ITFG1: variants seen among roughly 807,000 people sequenced by gnomAD.
The protein encoded by ITFG1 is T-cell immunomodulatory protein.
In ITFG1, 34 loss-of-function variants were observed where a neutral mutation model predicts 81.8. The observed-to-expected ratio is 0.42, with a 90% CI of 0.32 to 0.55. ITFG1 has a LOEUF of 0.55. ITFG1 is among the 20% of genes least tolerant of loss of function. The pLI is 0.17. For missense variants in ITFG1, 672 were observed against 755.4 expected, an observed-to-expected ratio of 0.89 and a Z score of 1.29; for synonymous variants, 285 against 270.6, an observed-to-expected ratio of 1.05 and a Z score of -0.52.
intron 5 of ITFG1, among the ~76,000 whole-genome samples, chr16:47,442,248 A>G (rs1203459477): frequency 1.3e-5 from 2 of 152,210 alleles, no homozygotes; most frequent in African/African-American, 4.8e-5. Flanking sequence ...GAAAATGGCC[A>G]TACTGTCCAA....
At chr16:47,409,949 A>C (rs758992680) in intron 6 of ITFG1, among the ~76,000 whole-genome samples, 1 of 152,104 alleles carries the variant, frequency 6.6e-6, no homozygotes, top group Non-Finnish European at 1.5e-5. Flanking sequence ...GACACAAAGA[A>C]CTTTTAGAAA....
In ITFG1 at chr16:47,383,555, G is replaced by GT. The variant is rs1301851140; in HGVS notation, c.656-7616dup. Among the ~76,000 whole-genome samples the GT allele has an allele frequency of 6.6e-5, 10 of 152,264 alleles. No homozygotes were observed. In the East Asian group the frequency reaches 9.7e-4, roughly 15 times the overall value. ...ACACAAGCGCTACTATCCAAAAATG[G>GT]TTTTTTTAGCAGCTGAAACATGGCA... On this transcript the variant is annotated intron_variant, in intron 6 of 17. Coordinates refer to ENST00000320640, the MANE Select transcript of ITFG1 (RefSeq NM_030790.5).
intron 17 of ITFG1, among the ~76,000 whole-genome samples, chr16:47,156,613 G>A (rs939831370): frequency 6.6e-6 from 1 of 152,138 alleles, no homozygotes; most frequent in Non-Finnish European, 1.5e-5. Flanking sequence ...AAGATAAAAA[G>A]TGAAAAATGT....
At chr16:47,243,222 G>A (rs1965957862) in intron 12 of ITFG1, among the ~76,000 whole-genome samples, 1 of 151,988 alleles carries the variant, frequency 6.6e-6, no homozygotes, top group Admixed American at 6.6e-5. Flanking sequence ...ATATATTCTA[G>A]ATTATACATA....
intron 17 of ITFG1, among the ~76,000 whole-genome samples, chr16:47,158,310 G>T (rs1964746899): frequency 6.6e-6 from 1 of 152,062 alleles, no homozygotes; most frequent in South Asian, 2.1e-4. Context: ...GCCCAGGATG[G>T]TCTCAAACTC....
At position 47,155,625 on chromosome 16, in the gene ITFG1, A is replaced by C; in HGVS notation, c.*94T>G. The C allele has an allele frequency of 1.3e-5, 10 of 771,876 alleles. No homozygotes were observed. In the South Asian group the frequency reaches 1.7e-4, roughly 13 times the overall value. 47.8% of individuals were successfully genotyped at this position (771,876 alleles called of 1,614,324 possible). A position where few individuals can be genotyped will look rare whatever the true frequency, so the allele number is the denominator to read the frequency against. ...ATTACCATGGGATACATCATTTATA[A>C]ATAATATTTAATCTCCCCTATTTTT... On this transcript the variant is annotated 3_prime_UTR_variant, in exon 18 of 18. Coordinates refer to ENST00000320640, the MANE Select transcript of ITFG1 (RefSeq NM_030790.5).
At chr16:47,343,185 A>G (rs762997122) in intron 8 of ITFG1, among the ~76,000 whole-genome samples, 31 of 152,140 alleles carry the variant, frequency 2.0e-4, no homozygotes, top group Non-Finnish European at 4.1e-4. Flanking sequence ...AGAAATAAAC[A>G]CATAGACGTA....
At chr16:47,221,276 G>C (rs977130942) in intron 13 of ITFG1, among the ~76,000 whole-genome samples, 6 of 152,096 alleles carry the variant, frequency 3.9e-5, no homozygotes, top group Admixed American at 3.9e-4. Flanking sequence ...CTAATTTATT[G>C]AGAGTTTTTA....
intron 3 of ITFG1, among the ~76,000 whole-genome samples, chr16:47,453,749 C>T (rs1335921152): frequency 1.3e-5 from 2 of 152,272 alleles, no homozygotes; most frequent in East Asian, 3.9e-4. Context: ...TATTCTTTAG[C>T]CATCTCAATG....
chr16:47,384,717 C>A lies in ITFG1; in HGVS notation c.656-8777G>T, dbSNP rs867480374. Among the ~76,000 whole-genome samples the A allele has an allele frequency of 2.0e-5, 3 of 152,320 alleles. No homozygotes were observed. In the East Asian group the frequency reaches 5.8e-4, roughly 29 times the overall value. On this transcript the variant is annotated intron_variant, in intron 6 of 17. Transcript: ENST00000320640. ...AAATTTTTTTTCCACGTCATATCCACCAACTGATTCAAACATCTTTTAAAT... is the reference window on the plus strand; with the variant it reads ...AAATTTTTTTTCCACGTCATATCCAACAACTGATTCAAACATCTTTTAAAT...
intron 6 of ITFG1, among the ~76,000 whole-genome samples, chr16:47,387,996 TATCCATAGAC>T: frequency 6.7e-6 from 1 of 150,112 alleles, no homozygotes; most frequent in East Asian, 1.9e-4. Context: ...AAATATAAAA[TATCCATAGAC>T]AGAAATGATA....
At chr16:47,234,297 G>C (rs923851934) in intron 13 of ITFG1, among the ~76,000 whole-genome samples, 37 of 152,122 alleles carry the variant, frequency 2.4e-4, no homozygotes, top group African/African-American at 8.7e-4. Context: ...TGTAAGCAGA[G>C]AGATAGAAAC....
chr16:47,273,003 G>T (rs1966359363), intron 10 of ITFG1, among the ~76,000 whole-genome samples: 1 of 150,488 alleles, frequency 6.6e-6, no homozygotes, highest in South Asian at 2.1e-4. Flanking sequence ...TGAGGTCTGG[G>T]TTATTCTAGG....
At chr16:47,301,729 C>T (rs112100883) in intron 10 of ITFG1, among the ~76,000 whole-genome samples, 64 of 152,210 alleles carry the variant, frequency 4.2e-4, no homozygotes, top group African/African-American at 1.4e-3. Flanking sequence ...TATTTCATGA[C>T]TGACAAATGA....
chr16:47,167,732 A>ACGGACG (rs1417216957), intron 14 of ITFG1, among the ~76,000 whole-genome samples: 6 of 152,292 alleles, frequency 3.9e-5, no homozygotes, highest in African/African-American at 1.4e-4. Context: ...GTCTCTTTAC[A>ACGGACG]CGGACGCGCA....
At chr16:47,449,849 TA>T (rs887108747) in intron 5 of ITFG1, 1 of 152,182 alleles carries the variant, frequency 6.6e-6, no homozygotes, top group African/African-American at 2.4e-5. Flanking sequence ...TCTCGCAGAT[TA>T]AGTAAAAAAT....
chr16:47,457,936 C>T (rs1265341409), intron 2 of ITFG1, among the ~76,000 whole-genome samples: 1 of 152,130 alleles, frequency 6.6e-6, no homozygotes, highest in Non-Finnish European at 1.5e-5. Flanking sequence ...ATAACTTTCC[C>T]CTCAAAGTTC....
chr16:47,199,021 C>T (rs2151519973), intron 14 of ITFG1, among the ~76,000 whole-genome samples: 1 of 152,278 alleles, frequency 6.6e-6, no homozygotes, highest in East Asian at 1.9e-4. Flanking sequence ...CACCTGTAAT[C>T]TCAGCACTTT....
intron 6 of ITFG1, among the ~76,000 whole-genome samples, chr16:47,403,807 CAG>C (rs1968693795): frequency 6.9e-6 from 1 of 144,968 alleles, no homozygotes; most frequent in Non-Finnish European, 1.5e-5. Flanking sequence ...CACACACACA[CAG>C]AGGGAGAGAC....
Sources: allele counts gnomAD v4.1 joint callset (sites outside exome capture counted in the v4.1 genomes callset), GRCh38; gene constraint gnomAD v4.1.1; transcripts MANE v1.5; gene names NCBI Gene and HGNC (gene_info 2026-07-23, HGNC 2026-07-21).